FKBP5: variants seen among roughly 807,000 people sequenced by gnomAD.
FKBP5 encodes peptidyl-prolyl cis-trans isomerase FKBP5.
Under a neutral mutation model 50.5 loss-of-function variants are expected in FKBP5, and 23 were observed. The ratio of observed to expected loss-of-function variants is 0.46; its 90% CI spans 0.33 to 0.65. The LOEUF is 0.65. FKBP5 is among the 30% of genes least tolerant of loss of function. The pLI is 0.02. For missense variants in FKBP5, 411 were observed against 553.1 expected (o/e 0.74, Z 2.58); for synonymous variants, 176 against 190.6 (o/e 0.92, Z 0.63).
chr6:35,619,784 C>T (rs1035869792), intron 4 of FKBP5, among the ~76,000 whole-genome samples: 15 of 152,300 alleles, frequency 9.8e-5, no homozygotes, highest in African/African-American at 2.9e-4. Context: ...TACCCCGCAA[C>T]GTGACATAGG....
intron 8 of FKBP5, 196 bp downstream of exon 8, chr6:35,586,838 G>T: frequency 6.9e-7 from 1 of 1,440,560 alleles, no homozygotes. Context: ...TGTAAAAGAG[G>T]AATCTGTACT....
chr6:35,702,219 A>G (rs1766201803), intron 2 of FKBP5, among the ~76,000 whole-genome samples: 1 of 152,046 alleles, frequency 6.6e-6, no homozygotes, highest in South Asian at 2.1e-4. Context: ...TTGGTCCAAT[A>G]ACTCCTCACT....
At chr6:35,660,701 C>T (rs4713905) in intron 1 of FKBP5, among the ~76,000 whole-genome samples, 21,835 of 82,504 alleles carry the variant, frequency 0.26, 9,302 homozygotes, top group African/African-American at 0.59. Context: ...GGTTAGTTGA[C>T]AATGTAGTTC....
intron 1 of FKBP5, among the ~76,000 whole-genome samples, chr6:35,671,399 A>G (rs561335589): frequency 6.6e-6 from 1 of 152,206 alleles, no homozygotes; most frequent in South Asian, 2.1e-4. Context: ...CATATTAAAA[A>G]TGGAAAAGTG....
intron 1 of FKBP5, among the ~76,000 whole-genome samples, chr6:35,676,112 C>T (rs994740141): frequency 5.9e-5 from 9 of 151,996 alleles, no homozygotes; most frequent in East Asian, 3.8e-4. Flanking sequence ...AGGGATTTGA[C>T]GTCATAGTGT....
chr6:35,615,067 C>T (rs1763602853), intron 5 of FKBP5, among the ~76,000 whole-genome samples: 4 of 151,132 alleles, frequency 2.6e-5, no homozygotes, highest in African/African-American at 4.9e-5. Context: ...GAAGTTGCAG[C>T]GAGCTGAGAT....
intron 7 of FKBP5, among the ~76,000 whole-genome samples, chr6:35,588,972 G>A (rs933477152): frequency 2.7e-5 from 4 of 150,110 alleles, no homozygotes; most frequent in African/African-American, 9.8e-5. Context: ...TGAACTCCTC[G>A]GCTCAAGTAA....
intron 2 of FKBP5, among the ~76,000 whole-genome samples, chr6:35,708,818 A>G (rs914642730): frequency 2.0e-5 from 3 of 152,148 alleles, no homozygotes; most frequent in Non-Finnish European, 4.4e-5. Context: ...GAGCTCAGAC[A>G]GCCATATTGA....
At chr6:35,725,823 G>C (rs912405455) in intron 1 of FKBP5, among the ~76,000 whole-genome samples, 2 of 152,180 alleles carry the variant, frequency 1.3e-5, no homozygotes, top group African/African-American at 4.8e-5. Flanking sequence ...GCCTTTTTGA[G>C]AGCTGTGAGC....
intron 1 of FKBP5, among the ~76,000 whole-genome samples, chr6:35,657,375 G>A (rs1173562916): frequency 6.6e-6 from 1 of 152,176 alleles, no homozygotes; most frequent in Non-Finnish European, 1.5e-5. Flanking sequence ...GGCTCCGGGA[G>A]AGCACTCATC....
At chr6:35,606,259 C>A (rs1198596079) in intron 5 of FKBP5, among the ~76,000 whole-genome samples, 1 of 152,116 alleles carries the variant, frequency 6.6e-6, no homozygotes, top group African/African-American at 2.4e-5. Context: ...CACGAAGAAG[C>A]AGCCAACGAA....
At chr6:35,666,877 T>A (rs1765247271) in intron 1 of FKBP5, among the ~76,000 whole-genome samples, 2 of 151,418 alleles carry the variant, frequency 1.3e-5, no homozygotes, top group African/African-American at 2.4e-5. Context: ...AGCGAGACTC[T>A]CTCAAAAAAA....
intron 1 of FKBP5, among the ~76,000 whole-genome samples, chr6:35,721,361 A>G (rs1766607410): frequency 6.6e-6 from 1 of 152,054 alleles, no homozygotes; most frequent in South Asian, 2.1e-4. Context: ...AAAAAAAAGA[A>G]TTTTAGAAAT....
chr6:35,725,318 C>T (rs556140856), intron 1 of FKBP5, among the ~76,000 whole-genome samples: 4 of 152,254 alleles, frequency 2.6e-5, no homozygotes, highest in African/African-American at 9.6e-5. Flanking sequence ...CCAGGTCTGC[C>T]GAGCTCTTGG....
intron 1 of FKBP5, among the ~76,000 whole-genome samples, chr6:35,725,912 CG>C (rs1766700866): frequency 6.6e-6 from 1 of 152,150 alleles, no homozygotes; most frequent in Non-Finnish European, 1.5e-5. Flanking sequence ...TCCCACAGCT[CG>C]GGGCACCGCA....
At chr6:35,626,080 C>T (rs538247048) in intron 3 of FKBP5, among the ~76,000 whole-genome samples, 6 of 152,158 alleles carry the variant, frequency 3.9e-5, no homozygotes, top group South Asian at 4.1e-4. Flanking sequence ...TGCCTGGCCA[C>T]GTCAATTTAT....
intron 1 of FKBP5, among the ~76,000 whole-genome samples, chr6:35,654,565 AG>A (rs1764896896): frequency 6.6e-6 from 1 of 152,188 alleles, no homozygotes; most frequent in Non-Finnish European, 1.5e-5. Flanking sequence ...TACCCCCTGA[AG>A]CAACCTGAAT....
chr6:35,693,452 T>C (rs530419485), upstream of FKBP5, among the ~76,000 whole-genome samples: 399 of 151,670 alleles, frequency 2.6e-3, 1 homozygote, highest in Middle Eastern at 0.014. Flanking sequence ...TGTGAGCCAC[T>C]GCGCCCGGCC....
chr6:35,681,655 G>A (rs1187458187), intron 1 of FKBP5, among the ~76,000 whole-genome samples: 2 of 152,018 alleles, frequency 1.3e-5, no homozygotes, highest in African/African-American at 4.8e-5. Context: ...GTCTTTTTGT[G>A]GGCATATATA....
Sources: gnomAD v4.1 joint callset for allele counts (sites outside exome capture counted in the v4.1 genomes callset) on GRCh38, gnomAD v4.1.1 for gene constraint, MANE v1.5 for transcripts, NCBI Gene and HGNC (gene_info 2026-07-23, HGNC 2026-07-21) for gene names.